SUPT3H: variants seen among roughly 807,000 people sequenced by gnomAD.
The protein encoded by SUPT3H is SPT3 homolog, SAGA and STAGA complex component.
In SUPT3H, 44 loss-of-function variants were observed where a neutral mutation model predicts 44.3. The observed-to-expected ratio is 0.99, with a 90% CI of 0.78 to 1.28. The LOEUF is 1.28. Ranked by LOEUF, SUPT3H falls within the 50% of genes most tolerant of loss-of-function variation. SUPT3H has a pLI of 0.00. For missense variants in SUPT3H, 380 were observed against 387.1 expected (o/e 0.98, Z 0.15); for synonymous variants, 124 against 125.6 (o/e 0.99, Z 0.09).
At chr6:45,214,396 A>G (rs1269214427) in intron 2 of SUPT3H, among the ~76,000 whole-genome samples, 1 of 152,156 alleles carries the variant, frequency 6.6e-6, no homozygotes, top group Non-Finnish European at 1.5e-5. Flanking sequence ...TGGAGAAAGG[A>G]AATCAGCATT....
intron 2 of SUPT3H, among the ~76,000 whole-genome samples, chr6:45,148,312 C>T (rs1806410707): frequency 6.6e-6 from 1 of 152,046 alleles, no homozygotes; most frequent in African/African-American, 2.4e-5. Flanking sequence ...CTATGTTACA[C>T]AAGAGAAAAT....
intron 2 of SUPT3H, among the ~76,000 whole-genome samples, chr6:45,251,941 C>A (rs1372944123): frequency 1.3e-5 from 2 of 152,026 alleles, no homozygotes; most frequent in Non-Finnish European, 2.9e-5. Flanking sequence ...AGAAAAAAAA[C>A]ATTATCTCAA....
chr6:45,316,423 A>T (rs1784713354), intron 2 of SUPT3H, among the ~76,000 whole-genome samples: 1 of 152,142 alleles, frequency 6.6e-6, no homozygotes, highest in Admixed American at 6.6e-5. Context: ...AGCAAAAAAA[A>T]AAAATACTGT....
At chr6:44,851,638 G>C (rs1351381714) in intron 10 of SUPT3H, among the ~76,000 whole-genome samples, 1 of 152,154 alleles carries the variant, frequency 6.6e-6, no homozygotes, top group African/African-American at 2.4e-5. Context: ...TACCAATGGA[G>C]ACATATTGTT....
At position 45,192,757 on chromosome 6, in the gene SUPT3H, T is replaced by C. The variant is rs952316640; in HGVS notation, c.102-86751A>G. Among the ~76,000 whole-genome samples, 8 of 152,248 alleles carry C rather than the reference T, an allele frequency of 5.3e-5. No individual in the cohort carries two copies. In the South Asian group the frequency reaches 1.4e-3, roughly 28 times the overall value. ...AGAGAACTTAATAACTCATTGATTA[T>C]GACTCATCACACCACACTAAAGCAG... On this transcript the variant is annotated intron_variant, in intron 2 of 10. Transcript: ENST00000371459.
intron 9 of SUPT3H, among the ~76,000 whole-genome samples, chr6:44,933,008 G>T (rs1414938579): frequency 2.0e-5 from 3 of 151,946 alleles, no homozygotes; most frequent in African/African-American, 7.3e-5. Flanking sequence ...ACCTAAGCCT[G>T]CATGTCAAGA....
At chr6:44,880,081 C>T (rs1469054217) in intron 10 of SUPT3H, among the ~76,000 whole-genome samples, 1 of 152,024 alleles carries the variant, frequency 6.6e-6, no homozygotes, top group Admixed American at 6.6e-5. Flanking sequence ...ATGAGTTTGA[C>T]GAACTGACAG....
chr6:45,107,657 CA>C (rs1404088406), intron 2 of SUPT3H, among the ~76,000 whole-genome samples: 1 of 152,030 alleles, frequency 6.6e-6, no homozygotes, highest in Non-Finnish European at 1.5e-5. Flanking sequence ...CTTGTAGAAA[CA>C]AATGCAATTC....
At chr6:44,953,286 A>C in intron 9 of SUPT3H, 24 bp downstream of exon 9, 2 of 1,585,348 alleles carry the variant, frequency 1.3e-6, no homozygotes, top group Non-Finnish European at 1.7e-6. Flanking sequence ...CAAATGTTTT[A>C]AGACAGATTT....
intron 2 of SUPT3H, among the ~76,000 whole-genome samples, chr6:45,357,514 A>G (rs781100945): frequency 6.6e-6 from 1 of 151,932 alleles, no homozygotes; most frequent in African/African-American, 2.4e-5. Context: ...CTGTAGAGAC[A>G]GCGTCTCAAG....
chr6:45,066,025 C>T (rs1468110820), intron 3 of SUPT3H, among the ~76,000 whole-genome samples: 1 of 138,786 alleles, frequency 7.2e-6, no homozygotes, highest in African/African-American at 2.7e-5. Context: ...AATTTTAGAC[C>T]AATATCCTTG....
Position 45,255,425 on chromosome 6 carries a change from T to G in SUPT3H, c.101+109776A>C, listed in dbSNP as rs576593106. On this transcript the variant is annotated intron_variant, in intron 2 of 10. Coordinates refer to ENST00000371459, the MANE Select transcript of SUPT3H (RefSeq NM_003599.4). ...AACAACAACCTATAATAGGTTTTTT[T>G]TTTTTTTTTTTTCAGTCAGGTTCTC... Among the ~76,000 whole-genome samples the G allele has an allele frequency of 1.1e-4, 16 of 150,122 alleles. No individual in the cohort carries two copies. In the East Asian group the frequency reaches 3.1e-3, roughly 29 times the overall value.
rs1243798920 is a variant in SUPT3H at position 45,179,210 on chromosome 6, C to G, written c.102-73204G>C. On this transcript the variant is annotated intron_variant, in intron 2 of 10. Coordinates refer to ENST00000371459, the MANE Select transcript of SUPT3H (RefSeq NM_003599.4). ...GTTGAATCTCTGAACAGACCAATAA[C>G]AGGAGCTGAAATTGTGTAATAATCA... Among the ~76,000 whole-genome samples the G allele has an allele frequency of 2.6e-5, 4 of 152,304 alleles. No homozygotes were observed. In the East Asian group the frequency reaches 5.8e-4, roughly 22 times the overall value.
At chr6:45,354,946 G>A (rs574882688) in intron 2 of SUPT3H, among the ~76,000 whole-genome samples, 5 of 152,116 alleles carry the variant, frequency 3.3e-5, no homozygotes, top group East Asian at 1.9e-4. Context: ...GAAAGAAACT[G>A]GAAAGATAAA....
chr6:44,969,515 G>A (rs1356989287), intron 6 of SUPT3H, among the ~76,000 whole-genome samples: 1 of 151,826 alleles, frequency 6.6e-6, no homozygotes, highest in Admixed American at 6.6e-5. Flanking sequence ...CATTAACTGT[G>A]CACACATAAA....
At chr6:45,248,913 CAAA>C (rs61451412) in intron 2 of SUPT3H, among the ~76,000 whole-genome samples, 2 of 115,280 alleles carry the variant, frequency 1.7e-5, no homozygotes, top group Non-Finnish European at 3.5e-5. Flanking sequence ...GACTCCATCT[CAAA>C]AAAAAAAAAA....
intron 2 of SUPT3H, among the ~76,000 whole-genome samples, chr6:45,239,196 T>C (rs1769810847): frequency 6.6e-6 from 1 of 152,234 alleles, no homozygotes; most frequent in Admixed American, 6.5e-5. Flanking sequence ...TATGATTTCA[T>C]ACAGATGAAC....
intron 2 of SUPT3H, among the ~76,000 whole-genome samples, chr6:45,233,938 C>T (rs1049207365): frequency 1.3e-5 from 2 of 152,122 alleles, no homozygotes; most frequent in Admixed American, 6.5e-5. Flanking sequence ...AATAAAAACA[C>T]CCTTGCTGTC....
At chr6:45,294,245 T>C (rs1291631890) in intron 2 of SUPT3H, among the ~76,000 whole-genome samples, 5 of 152,160 alleles carry the variant, frequency 3.3e-5, no homozygotes, top group African/African-American at 9.7e-5. Context: ...ATCATCTCAA[T>C]AGAAGCAGAA....
Sources: allele counts gnomAD v4.1 joint callset (sites outside exome capture counted in the v4.1 genomes callset), GRCh38; gene constraint gnomAD v4.1.1; transcripts MANE v1.5; gene names NCBI Gene and HGNC (gene_info 2026-07-23, HGNC 2026-07-21).